Variants in ITGAE observed in about 807,000 individuals in gnomAD.
ITGAE encodes the protein integrin subunit alpha E.
In ITGAE, 99 loss-of-function variants were observed where a neutral mutation model predicts 136.5. The ratio of observed to expected loss-of-function variants is 0.73; its 90% CI spans 0.62 to 0.86. The LOEUF (loss-of-function observed/expected upper bound fraction) is 0.86, where lower values mean the gene tolerates loss of function less well. Among genes scored for constraint, ITGAE ranks in the 40% least tolerant of loss-of-function variants. ITGAE has a pLI of 0.00. For missense variants in ITGAE, 1,447 were observed against 1,515.3 expected (o/e 0.95, Z 0.75); for synonymous variants, 613 against 591.8 (o/e 1.04, Z -0.52).
At chr17:3,767,772 G>T (rs1228239272) in intron 2 of ITGAE, among the ~76,000 whole-genome samples, 1 of 152,078 alleles carries the variant, frequency 6.6e-6, no homozygotes, top group Non-Finnish European at 1.5e-5. Context: ...ACAGGAGCGA[G>T]TTACCTTGCC....
At chr17:3,771,646 T>C (rs2143238369) in intron 2 of ITGAE, among the ~76,000 whole-genome samples, 1 of 151,578 alleles carries the variant, frequency 6.6e-6, no homozygotes, top group Middle Eastern at 3.4e-3. Context: ...GTTCAAGCGA[T>C]TCTCCTGCCT....
intron 27 of ITGAE, 121 bp from the exon 28 acceptor site, chr17:3,723,504 GCTCAC>G (rs1168670112): frequency 1.0e-6 from 1 of 974,820 alleles, no homozygotes; most frequent in African/African-American, 1.6e-5. Flanking sequence ...CAATTTCAGC[GCTCAC>G]CTCGGCCCAA....
chr17:3,716,304 GAAC>G (rs1203300389), intron 30 of ITGAE, among the ~76,000 whole-genome samples: 2 of 152,134 alleles, frequency 1.3e-5, no homozygotes, highest in East Asian at 3.9e-4. Context: ...TTCAACAGGG[GAAC>G]AACAGTCACA....
chr17:3,747,632 C>T (rs1018691270), intron 17 of ITGAE, among the ~76,000 whole-genome samples: 1 of 152,000 alleles, frequency 6.6e-6, no homozygotes, highest in African/African-American at 2.4e-5. Context: ...TTTTCAGAAA[C>T]TCAACCCTTC....
intron 19 of ITGAE, among the ~76,000 whole-genome samples, chr17:3,740,107 C>G (rs1438613105): frequency 6.6e-6 from 1 of 152,210 alleles, no homozygotes; most frequent in Non-Finnish European, 1.5e-5. Flanking sequence ...CACACTGTGA[C>G]CCAGTCCTTT....
intron 20 of ITGAE, 77 bp downstream of exon 20, chr17:3,739,728 G>A (rs2051539512): frequency 8.3e-7 from 1 of 1,200,682 alleles, no homozygotes; most frequent in East Asian, 2.3e-5. Flanking sequence ...TGTGCAGGGT[G>A]TCCTAATGAA....
At chr17:3,783,308 G>A (rs763779059) in intron 1 of ITGAE, among the ~76,000 whole-genome samples, 1 of 151,888 alleles carries the variant, frequency 6.6e-6, no homozygotes, top group Non-Finnish European at 1.5e-5. Flanking sequence ...GCCCAGCTAA[G>A]TTTTGTATTA....
At chr17:3,725,689 G>A (rs754121502) in intron 26 of ITGAE, 1 of 1,580,870 alleles carries the variant, frequency 6.3e-7, no homozygotes, top group Non-Finnish European at 8.6e-7. Context: ...TCAACCAAAG[G>A]CTCTGCAAAT....
Position 3,756,988 on chromosome 17 carries a change from C to T in ITGAE, c.1167G>A (p.Met389Ile), listed in dbSNP as rs2052042008. 6.2e-7 allele frequency: 1 copy of T among 1,613,278 alleles called. No individual in the cohort carries two copies. The highest frequency in any genetic ancestry group is 2.2e-5 in the East Asian group (1 of 44,896). The change falls in exon 10 of 31, where the codon ATG becomes ATA. Residue 389 changes from methionine (M) to isoleucine (I), a missense_variant. Met to Ile is a conservative substitution (Grantham distance 10). This residue lies in a region of ITGAE where 1,031 missense variants were observed against 1,011.4 expected (regional missense o/e 1.02). Transcript: ENST00000263087. Reference protein sequence around the residue: ...LSKLRYNIISMEGTVGDALHY... With the variant: ...LSKLRYNIISIEGTVGDALHY... ...CCTGGGTCCCGGAGCCCTCACCTTC[C>T]ATGCTGATGATGTTGTACCGCAGTT... is the stretch of plus-strand genomic sequence containing the variant.
chr17:3,746,690 C>A (rs2051724545), intron 17 of ITGAE, among the ~76,000 whole-genome samples: 2 of 152,080 alleles, frequency 1.3e-5, no homozygotes, highest in African/African-American at 4.8e-5. Flanking sequence ...GATCTCCTGA[C>A]CTTGTGATCC....
intron 2 of ITGAE, among the ~76,000 whole-genome samples, chr17:3,771,498 C>T (rs1808633): frequency 0.016 from 2,360 of 151,350 alleles, 61 homozygotes; most frequent in African/African-American, 0.054. Context: ...TGCGGATGTT[C>T]ACTGCGCTGC....
At chr17:3,768,421 T>C (rs1444274729) in intron 2 of ITGAE, among the ~76,000 whole-genome samples, 3 of 151,926 alleles carry the variant, frequency 2.0e-5, no homozygotes, top group Non-Finnish European at 4.4e-5. Context: ...TTACAGTGAG[T>C]TTCAGGCATG....
At chr17:3,741,308 C>G (rs1161399596) in intron 19 of ITGAE, among the ~76,000 whole-genome samples, 1 of 150,226 alleles carries the variant, frequency 6.7e-6, no homozygotes, top group Non-Finnish European at 1.5e-5. Flanking sequence ...AGGATGGTCT[C>G]GATCTCCTGA....
Position 3,771,994 on chromosome 17 carries a change from C to T in ITGAE, c.155+5546G>A, listed in dbSNP as rs182317556. Among the ~76,000 whole-genome samples, 280 of 152,298 alleles carry T rather than the reference C, an allele frequency of 1.8e-3. 2 individuals are homozygous for T. The highest frequency in any genetic ancestry group is 6.5e-3 in the African/African-American group (269 of 41,580). On this transcript the variant is annotated intron_variant, in intron 2 of 30. Transcript: ENST00000263087. The stretch of plus-strand genomic sequence containing the variant: ...TCTAGTTCCTCCAAACCCTCAGTGC[C>T]TGGGTGACGAGGCACCACCACACTC...
At chr17:3,721,684 T>A (rs1351392498) in intron 28 of ITGAE, 1 of 152,204 alleles carries the variant, frequency 6.6e-6, no homozygotes, top group Non-Finnish European at 1.5e-5. Flanking sequence ...CTGTAAAACA[T>A]TAAACTTGAT....
chr17:3,783,725 AC>A (rs1295402743), intron 1 of ITGAE, among the ~76,000 whole-genome samples: 1 of 152,198 alleles, frequency 6.6e-6, no homozygotes, highest in Non-Finnish European at 1.5e-5. Flanking sequence ...TAAAATCACT[AC>A]ATGAAGGACA....
chr17:3,755,804 T>G, intron 11 of ITGAE, 26 bp downstream of exon 11: 2 of 1,570,094 alleles, frequency 1.3e-6, no homozygotes, highest in Non-Finnish European at 1.7e-6. Flanking sequence ...TGGGCAAGCC[T>G]GCCTGGTGCT....
intron 1 of ITGAE, among the ~76,000 whole-genome samples, chr17:3,797,791 C>G (rs1244453598): frequency 6.6e-6 from 1 of 152,176 alleles, no homozygotes; most frequent in Non-Finnish European, 1.5e-5. Context: ...TGAGTGTGTC[C>G]TCCTCCCCAC....
In ITGAE at chr17:3,761,526, G is replaced by T. The variant is rs1352169624; in HGVS notation, c.316-6C>A. 3 of 1,608,598 alleles carry T rather than the reference G, an allele frequency of 1.9e-6. No homozygotes were observed. In the African/African-American group the frequency reaches 4.0e-5, roughly 22 times the overall value. The stretch of plus-strand genomic sequence containing the variant: ...ACCAGCACTTGAATGCATATCTGTG[G>T]GAGGGAAGAGAGGGTGGGGAAACAC... On this transcript the variant is annotated splice_polypyrimidine_tract_variant and splice_region_variant and intron_variant, in intron 4 of 30. Transcript: ENST00000263087.
Sources: gnomAD v4.1 joint callset for allele counts (sites outside exome capture counted in the v4.1 genomes callset) on GRCh38, gnomAD v4.1.1 for gene constraint, gnomAD v4.1.1 regional missense constraint, MANE v1.5 for transcripts, NCBI Gene and HGNC (gene_info 2026-07-23, HGNC 2026-07-21) for gene names.